The following PLEK variants were observed in gnomAD, a reference collection of about 807,000 sequenced individuals.
PLEK encodes pleckstrin, also known as platelet 47 kDa protein.
A neutral mutation model predicts 43.9 loss-of-function variants in PLEK; 25 were observed. The ratio of observed to expected loss-of-function variants is 0.57; its 90% CI spans 0.41 to 0.79. PLEK has a LOEUF of 0.79. Among genes scored for constraint, PLEK ranks in the 30% least tolerant of loss-of-function variants. The pLI, the probability that PLEK is intolerant of heterozygous loss-of-function variation, is 0.00. For missense variants in PLEK, 396 were observed against 413.3 expected (o/e 0.96, Z 0.36); for synonymous variants, 152 against 144.4 (o/e 1.05, Z -0.38).
At chr2:68,394,477 A>G (rs1673919793) in intron 8 of PLEK, among the ~76,000 whole-genome samples, 1 of 152,112 alleles carries the variant, frequency 6.6e-6, no homozygotes, top group Non-Finnish European at 1.5e-5. Flanking sequence ...GCAAGTTGCA[A>G]TGAGCTGAGA....
chr2:68,365,836 T>C (rs1673260007), intron 1 of PLEK, among the ~76,000 whole-genome samples: 2 of 152,294 alleles, frequency 1.3e-5, no homozygotes, highest in South Asian at 4.1e-4. Context: ...GTTGATATAA[T>C]GATAGAGTAA....
chr2:68,389,072 C>A (rs11901997), intron 6 of PLEK, among the ~76,000 whole-genome samples: 1 of 152,200 alleles, frequency 6.6e-6, no homozygotes, highest in Non-Finnish European at 1.5e-5. Flanking sequence ...TCCACAGGTA[C>A]AGGCCACCAT....
In PLEK at chr2:68,386,496, A is replaced by G. The variant is rs1323888994; in HGVS notation, c.473-6A>G. On this transcript the variant is annotated splice_polypyrimidine_tract_variant and splice_region_variant and intron_variant, in intron 4 of 8. Transcript: ENST00000234313. ...AGTTAACCTTCCCTGTGCTGGTCCC[A>G]TCTAGGTAACTGCGTCATTGATTGG... is the stretch of plus-strand genomic sequence containing the variant. 6.2e-7 allele frequency: 1 copy of G among 1,612,612 alleles called. No individual in the cohort carries two copies. Among genetic ancestry groups the G allele is most frequent in the Admixed American group, 1.7e-5 (1 of 59,988 alleles).
intron 4 of PLEK, 109 bp from the exon 5 acceptor site, chr2:68,386,393 G>C: frequency 1.4e-6 from 1 of 706,450 alleles, no homozygotes; most frequent in Non-Finnish European, 2.4e-6. Flanking sequence ...TAACAGGGGA[G>C]ACGAGACAAG....
chr2:68,382,491 A>C, intron 3 of PLEK, 51 bp from the exon 4 acceptor site: 1 of 1,110,466 alleles, frequency 9.0e-7, no homozygotes. Flanking sequence ...CACTCATCCA[A>C]CTGGGTTTTT....
At chr2:68,375,568 G>C (rs1295054309) in intron 1 of PLEK, among the ~76,000 whole-genome samples, 1 of 152,132 alleles carries the variant, frequency 6.6e-6, no homozygotes. Context: ...AAAGAGATAG[G>C]GTATTTTAAT....
chr2:68,393,784 A>G (rs542093328), intron 7 of PLEK, among the ~76,000 whole-genome samples: 1 of 152,248 alleles, frequency 6.6e-6, no homozygotes, highest in African/African-American at 2.4e-5. Flanking sequence ...CATGGGACCA[A>G]AGAGCTCTGG....
intron 1 of PLEK, among the ~76,000 whole-genome samples, chr2:68,368,130 C>T (rs955399422): frequency 2.6e-5 from 4 of 152,110 alleles, no homozygotes; most frequent in African/African-American, 4.8e-5. Flanking sequence ...TCTTTTGCCT[C>T]CTGAATAAGA....
rs1453173066 is a variant in PLEK at position 68,397,359 on chromosome 2, A to G, written c.*1543A>G. 1 of 152,198 alleles carries G rather than the reference A, an allele frequency of 6.6e-6. No individual in the cohort carries two copies. Among genetic ancestry groups the G allele is most frequent in the Non-Finnish European group, 1.5e-5 (1 of 68,038 alleles). The allele number at this position is 152,198 out of a possible 1,614,324, so 9.4% of individuals were successfully genotyped here. A position where few individuals can be genotyped will look rare whatever the true frequency, so the allele number is the denominator to read the frequency against. ...TTCTTTAATAAATTATCTTTATAGA[A>G]TATGCACAAGTTTTTCTACACTCAG... is the stretch of plus-strand genomic sequence containing the variant. On this transcript the variant is annotated 3_prime_UTR_variant, in exon 9 of 9. Coordinates refer to ENST00000234313, the MANE Select transcript of PLEK (RefSeq NM_002664.3).
chr2:68,387,738 G>T (rs972685366), intron 5 of PLEK, among the ~76,000 whole-genome samples: 2 of 151,556 alleles, frequency 1.3e-5, no homozygotes, highest in African/African-American at 4.8e-5. Context: ...GAACACCCTA[G>T]AGGGTTTCAT....
Position 68,393,336 on chromosome 2 carries a change from T to C in PLEK, c.846+91T>C, listed in dbSNP as rs1673897568. 3 of 856,800 alleles carry C rather than the reference T, an allele frequency of 3.5e-6. No homozygotes were observed. The South Asian group carries it at 4.2e-5, about 12-fold the overall frequency. 53.1% of individuals were successfully genotyped at this position (856,800 alleles called of 1,614,324 possible). On this transcript the variant is annotated intron_variant, in intron 7 of 8. Transcript: ENST00000234313. ...CCTATTCCCCTCTCTACTCTGTTGA[T>C]ATCCCCTTTTTCTCTTTACTGGCCC... is the stretch of plus-strand genomic sequence containing the variant.
chr2:68,380,628 G>C, intron 2 of PLEK, 95 bp from the exon 3 acceptor site: 1 of 1,450,004 alleles, frequency 6.9e-7, no homozygotes, highest in Non-Finnish European at 9.4e-7. Flanking sequence ...GGTTTCTCTT[G>C]GCTAGAAGAG....
At chr2:68,373,381 A>C (rs1673445722) in intron 1 of PLEK, among the ~76,000 whole-genome samples, 1 of 152,062 alleles carries the variant, frequency 6.6e-6, no homozygotes, top group African/African-American at 2.4e-5. Context: ...CAGACCCCGG[A>C]GGCTGCACTT....
intron 1 of PLEK, among the ~76,000 whole-genome samples, chr2:68,379,383 C>G (rs945836625): frequency 6.6e-6 from 1 of 152,102 alleles, no homozygotes; most frequent in African/African-American, 2.4e-5. Context: ...GACTAACCCT[C>G]CCAAGAATTG....
At chr2:68,382,687 C>T (rs1050352998) in intron 4 of PLEK, 54 bp downstream of exon 4, 13 of 975,598 alleles carry the variant, frequency 1.3e-5, no homozygotes, top group Middle Eastern at 4.3e-4. Flanking sequence ...ATATGGAGTC[C>T]TCCTTCGGCC....
At chr2:68,388,593 G>C in intron 6 of PLEK, 102 bp downstream of exon 6, 1 of 646,162 alleles carries the variant, frequency 1.5e-6, no homozygotes, top group Non-Finnish European at 2.9e-6. Context: ...TAATAGTCAA[G>C]CAGAAAATGA....
intron 4 of PLEK, among the ~76,000 whole-genome samples, chr2:68,384,106 G>A (rs1471894647): frequency 1.3e-5 from 2 of 152,130 alleles, no homozygotes; most frequent in Non-Finnish European, 2.9e-5. Flanking sequence ...GATTTCCACT[G>A]TAATGTGTTA....
At chr2:68,379,322 A>G (rs1352679227) in intron 1 of PLEK, among the ~76,000 whole-genome samples, 1 of 152,052 alleles carries the variant, frequency 6.6e-6, no homozygotes, top group East Asian at 1.9e-4. Flanking sequence ...TTTGCAGGCC[A>G]TATTTTGAAA....
At chr2:68,383,640 G>C (rs1475946647) in intron 4 of PLEK, among the ~76,000 whole-genome samples, 1 of 152,124 alleles carries the variant, frequency 6.6e-6, no homozygotes, top group Non-Finnish European at 1.5e-5. Context: ...TAGGGCTGAC[G>C]GTTCATCAGG....
Sources: gnomAD v4.1 joint callset for allele counts (sites outside exome capture counted in the v4.1 genomes callset) on GRCh38, gnomAD v4.1.1 for gene constraint, MANE v1.5 for transcripts, NCBI Gene and HGNC (gene_info 2026-07-23, HGNC 2026-07-21) for gene names.